Variants in ZMYM2 observed in about 807,000 individuals in gnomAD.
ZMYM2 encodes zinc finger MYM-type protein 2.
A neutral mutation model predicts 162.8 loss-of-function variants in ZMYM2; 56 were observed. That is an observed-to-expected ratio of 0.34 (90% CI 0.28 to 0.43). The LOEUF (loss-of-function observed/expected upper bound fraction) is 0.43, where lower values mean the gene tolerates loss of function less well. ZMYM2 is among the 20% of genes least tolerant of loss of function. The probability of loss-of-function intolerance (pLI) is 1.00; values close to 1 mark genes in which losing one functional copy is unlikely to be tolerated. For synonymous variants in ZMYM2, 510 were observed against 541.6 expected (o/e 0.94, Z 0.81); for missense variants, 1,275 against 1,621.8 (o/e 0.79, Z 3.67).
At chr13:20,014,892 G>A (rs967498244) in intron 6 of ZMYM2, among the ~76,000 whole-genome samples, 1 of 150,670 alleles carries the variant, frequency 6.6e-6, no homozygotes, top group Non-Finnish European at 1.5e-5. Flanking sequence ...CGCCTCCTGA[G>A]TAGCCGGGAT....
intron 12 of ZMYM2, among the ~76,000 whole-genome samples, chr13:20,042,916 G>A (rs1289894582): frequency 2.0e-5 from 3 of 151,952 alleles, no homozygotes; most frequent in African/African-American, 4.8e-5. Context: ...TAGAGATGGG[G>A]TTTCACCATG....
At chr13:19,970,154 T>A in intron 2 of ZMYM2, 1 of 728,616 alleles carries the variant, frequency 1.4e-6, no homozygotes, top group Non-Finnish European at 1.7e-6. Flanking sequence ...TTACACTAGA[T>A]CATAGATTTG....
At chr13:19,885,210 G>A in the ZMYM2 span, among the ~76,000 whole-genome samples, 77 of 152,256 alleles carry the variant, frequency 5.1e-4, no homozygotes, top group Admixed American at 1.3e-3. Flanking sequence ...GGAGGTCCAG[G>A]CTGTAGTGAG....
Position 19,962,922 on chromosome 13 carries a change from A to G in ZMYM2, c.-11+2896A>G, listed in dbSNP as rs148198540. Among the ~76,000 whole-genome samples the G allele has an allele frequency of 8.2e-3, 1,235 of 150,818 alleles. 14 individuals are homozygous for G. Among genetic ancestry groups the G allele is most frequent in the African/African-American group, 0.029 (1,172 of 40,906 alleles). On this transcript the variant is annotated intron_variant, in intron 2 of 24. Transcript: ENST00000610343. Reference sequence around the variant, plus strand: ...CTGCAGCCTCCGCCTCCAGGGTTCAAGCATTCTCCTGCCTCAGCTTCCCAA... The same window carrying G: ...CTGCAGCCTCCGCCTCCAGGGTTCAGGCATTCTCCTGCCTCAGCTTCCCAA...
the ZMYM2 span, among the ~76,000 whole-genome samples, chr13:19,911,029 T>TAGTC: frequency 6.7e-5 from 10 of 150,342 alleles, no homozygotes; most frequent in African/African-American, 2.0e-4. Context: ...CGTAGCCCTT[T>TAGTC]AGTCAGTTCC....
chr13:20,014,990 A>G (rs1339331063), intron 6 of ZMYM2, among the ~76,000 whole-genome samples: 3 of 151,766 alleles, frequency 2.0e-5, no homozygotes, highest in African/African-American at 7.3e-5. Context: ...TGAACTCCTG[A>G]CCTCAGGTGA....
chr13:19,887,066 G>A, the ZMYM2 span, among the ~76,000 whole-genome samples: 1 of 151,810 alleles, frequency 6.6e-6, no homozygotes, highest in African/African-American at 2.4e-5. Flanking sequence ...GCATCTAGAG[G>A]TTTAATCATA....
Position 20,061,220 on chromosome 13 carries a change from C to T in ZMYM2, c.2907C>T (p.Ile969=). Residue 969 remains isoleucine, a synonymous_variant, in exon 17 of 25, where the codon ATC becomes ATT. Coordinates refer to ENST00000610343, the MANE Select transcript of ZMYM2 (RefSeq NM_197968.4). ...AGGGGAAAACAGAGACAACCAACAT[C>T]AACAGTGAGCTACACTAAATTATAC... ...EDEGKTETTN[I]NSVIIETDII... is the part of the protein sequence containing the mutation. The T allele has an allele frequency of 3.1e-6, 5 of 1,613,412 alleles. No homozygotes were observed. Among genetic ancestry groups the T allele is most frequent in the Non-Finnish European group, 4.2e-6 (5 of 1,179,694 alleles).
At chr13:19,880,217 C>T in the ZMYM2 span, among the ~76,000 whole-genome samples, 1 of 152,178 alleles carries the variant, frequency 6.6e-6, no homozygotes, top group Non-Finnish European at 1.5e-5. Flanking sequence ...TAAAGACACT[C>T]ATATATCCAT....
At chr13:19,865,461 C>T in the ZMYM2 span, among the ~76,000 whole-genome samples, 1 of 152,166 alleles carries the variant, frequency 6.6e-6, no homozygotes, top group African/African-American at 2.4e-5. Context: ...ATATCACCTA[C>T]ATTTTTTAGG....
At chr13:19,974,647 T>G (rs1160308905) in intron 2 of ZMYM2, among the ~76,000 whole-genome samples, 1 of 152,084 alleles carries the variant, frequency 6.6e-6, no homozygotes, top group Non-Finnish European at 1.5e-5. Flanking sequence ...GATTTTTGTA[T>G]TTTTAGTAGA....
chr13:20,012,909 T>G (rs980307216), intron 6 of ZMYM2, among the ~76,000 whole-genome samples: 1 of 152,226 alleles, frequency 6.6e-6, no homozygotes, highest in East Asian at 1.9e-4. Context: ...TCCAACTTTG[T>G]TTTTTGTCAA....
the ZMYM2 span, among the ~76,000 whole-genome samples, chr13:19,891,997 A>G: frequency 6.6e-6 from 1 of 151,790 alleles, no homozygotes; most frequent in Non-Finnish European, 1.5e-5. Flanking sequence ...GCTGGAGTGC[A>G]GTGGCATGAT....
the ZMYM2 span, among the ~76,000 whole-genome samples, chr13:19,883,513 T>C: frequency 6.6e-6 from 1 of 150,992 alleles, no homozygotes; most frequent in Non-Finnish European, 1.5e-5. Context: ...CTTAGCACAT[T>C]CATAGTTGTG....
chr13:20,066,575 A>G (rs1956694817), intron 19 of ZMYM2: 1 of 301,068 alleles, frequency 3.3e-6, no homozygotes, highest in South Asian at 1.5e-4. Context: ...TTAGGTGGAA[A>G]TAGATCATCC....
chr13:19,937,226 A>G, the ZMYM2 span, among the ~76,000 whole-genome samples: 3 of 151,626 alleles, frequency 2.0e-5, no homozygotes, highest in South Asian at 2.1e-4. Flanking sequence ...TTGGCCCACT[A>G]CAACCTCCGC....
At chr13:19,946,437 T>C in the ZMYM2 span, among the ~76,000 whole-genome samples, 4 of 152,238 alleles carry the variant, frequency 2.6e-5, no homozygotes, top group Non-Finnish European at 2.9e-5. Context: ...AGAGCATTAC[T>C]TCTCTGGTTC....
At chr13:19,984,542 ACT>A (rs1948983909) in intron 2 of ZMYM2, among the ~76,000 whole-genome samples, 2 of 152,250 alleles carry the variant, frequency 1.3e-5, no homozygotes, top group African/African-American at 4.8e-5. Context: ...TAAAATGGAA[ACT>A]CAGATAAGTT....
chr13:19,962,973 A>T (rs9579748), intron 2 of ZMYM2, among the ~76,000 whole-genome samples: 7 of 151,726 alleles, frequency 4.6e-5, no homozygotes, highest in African/African-American at 1.7e-4. Context: ...GGCACGTGCC[A>T]CTACACCTGG....
Sources: allele counts gnomAD v4.1 joint callset (sites outside exome capture counted in the v4.1 genomes callset), GRCh38; gene constraint gnomAD v4.1.1; transcripts MANE v1.5; gene names NCBI Gene and HGNC (gene_info 2026-07-23, HGNC 2026-07-21).